Variants in RBM24 observed in about 807,000 individuals in gnomAD.
RBM24 encodes the protein RNA binding motif protein 24, also known as RNA-binding protein 24.
A neutral mutation model predicts 23.6 loss-of-function variants in RBM24; 5 were observed. The observed-to-expected ratio is 0.21, with a 90% CI of 0.11 to 0.45. RBM24 has a LOEUF of 0.45. Among genes scored for constraint, RBM24 ranks in the 20% least tolerant of loss-of-function variants. The probability of loss-of-function intolerance (pLI) is 0.99; values close to 1 mark genes in which losing one functional copy is unlikely to be tolerated. For synonymous variants in RBM24, 151 were observed against 129.5 expected (o/e 1.17, Z -1.13); for missense variants, 252 against 314.6 (o/e 0.80, Z 1.51).
At chr6:17,285,295 CT>C (rs1760159973) in intron 3 of RBM24, 1 of 152,136 alleles carries the variant, frequency 6.6e-6, no homozygotes, top group African/African-American at 2.4e-5. Context: ...GTGCTTTTTA[CT>C]TAATTGAAAA....
intron 3 of RBM24, chr6:17,289,462 T>C: frequency 4.1e-6 from 4 of 985,484 alleles, no homozygotes; most frequent in Non-Finnish European, 4.8e-6. Flanking sequence ...TGTTTGACAT[T>C]GTGAAATCAA....
chr6:17,283,294 T>C (rs1760087975), intron 2 of RBM24, among the ~76,000 whole-genome samples: 1 of 152,200 alleles, frequency 6.6e-6, no homozygotes, highest in South Asian at 2.1e-4. Context: ...TCAGCTAATA[T>C]ACTTCCCTAC....
At chr6:17,283,145 G>A (rs1484288386) in intron 2 of RBM24, 4 of 512,196 alleles carry the variant, frequency 7.8e-6, no homozygotes, top group Non-Finnish European at 1.4e-5. Context: ...TGGATCTTGG[G>A]GGTCGTGCAG....
Position 17,281,425 on chromosome 6 carries a change from G to GCTCGCCCCCGCCGCGCCGCCGCC in RBM24, c.-146_-124dup. 3.1e-6 allele frequency: 1 copy of GCTCGCCCCCGCCGCGCCGCCGCC among 323,732 alleles called. No homozygotes were observed. The highest frequency in any genetic ancestry group is 4.4e-6 in the Non-Finnish European group (1 of 226,318). The allele number at this position is 323,732 out of a possible 1,614,324, so 20.1% of individuals were successfully genotyped here. On this transcript the variant is annotated 5_prime_UTR_variant, in exon 1 of 4. Transcript: ENST00000379052. The surrounding 1 kb of genome is among the most constrained non-coding windows in gnomAD (Gnocchi z 7.1). ...CCGGCGCTCTCGGCCGCCCCCGGCC[G>GCTCGCCCCCGCCGCGCCGCCGCC]CTCGCCCCCGCCGCGCCGCCGCCCT... is the stretch of plus-strand genomic sequence containing the variant.
chr6:17,289,042 G>A lies in RBM24; in HGVS notation c.348-2714G>A, dbSNP rs946850414. 9.1e-6 allele frequency: 9 copies of A among 985,246 alleles called. No homozygotes were observed. In the Admixed American group the frequency reaches 4.9e-4, roughly 54 times the overall value. The allele number at this position is 985,246 out of a possible 1,614,324, so 61.0% of individuals were successfully genotyped here. A position where few individuals can be genotyped will look rare whatever the true frequency, so the allele number is the denominator to read the frequency against. On this transcript the variant is annotated intron_variant, in intron 3 of 3. Transcript: ENST00000379052. ...AGATGTCAGTGGAACCTGAAGAGAT[G>A]GGAAGAAAAGGAAAATGTAGTAAAT... is the stretch of plus-strand genomic sequence containing the variant.
chr6:17,286,526 G>A (rs559900551), intron 3 of RBM24, among the ~76,000 whole-genome samples: 34 of 152,306 alleles, frequency 2.2e-4, no homozygotes, highest in African/African-American at 7.7e-4. Flanking sequence ...TGCAAAATGA[G>A]GGAATTGCAC....
chr6:17,283,320 C>T (rs1760089411), intron 2 of RBM24, among the ~76,000 whole-genome samples: 1 of 152,170 alleles, frequency 6.6e-6, no homozygotes, highest in Non-Finnish European at 1.5e-5. Context: ...GGTGTCTCTC[C>T]TTTTAGCACC....
chr6:17,290,066 C>A, intron 3 of RBM24: 1 of 1,289,350 alleles, frequency 7.8e-7, no homozygotes, highest in Non-Finnish European at 1.0e-6. Context: ...ATCTACAAGT[C>A]TGGTAAAATT....
intron 3 of RBM24, chr6:17,290,103 A>C (rs1180250257): frequency 1.2e-5 from 16 of 1,286,574 alleles, no homozygotes; most frequent in African/African-American, 1.5e-5. Context: ...TTGGGGCCAA[A>C]GTCCACTACC....
chr6:17,284,845 T>C, intron 3 of RBM24, 134 bp downstream of exon 3: 1 of 573,034 alleles, frequency 1.7e-6, no homozygotes, highest in Non-Finnish European at 2.9e-6. Context: ...TATTTGTGCA[T>C]TTTTAATGCT....
rs1203582335 is a variant in RBM24 at position 17,292,758 on chromosome 6, G to A, written c.*639G>A. 1 of 152,610 alleles carries A rather than the reference G, an allele frequency of 6.6e-6. No homozygotes were observed. Among genetic ancestry groups the A allele is most frequent in the Non-Finnish European group, 1.5e-5 (1 of 68,050 alleles). 9.5% of individuals were successfully genotyped at this position (152,610 alleles called of 1,614,324 possible). ...CTGTCCTGTGGATGAGTGGAACTGT[G>A]GAACAAGTGATGTGGAATTAATGGG... On this transcript the variant is annotated 3_prime_UTR_variant, in exon 4 of 4. Coordinates refer to ENST00000379052, the MANE Select transcript of RBM24 (RefSeq NM_001143942.2).
intron 3 of RBM24, 84 bp downstream of exon 3, chr6:17,284,795 A>G (rs1240446062): frequency 2.1e-6 from 2 of 951,246 alleles, no homozygotes; most frequent in African/African-American, 1.6e-5. Flanking sequence ...AGATAAGATC[A>G]TGATGTCACA....
Position 17,281,590 on chromosome 6 carries a change from G to C in RBM24, c.9G>C (p.Thr3=), listed in dbSNP as rs765104539. The C allele has an allele frequency of 2.0e-6, 3 of 1,519,004 alleles. No homozygotes were observed. The South Asian group carries it at 3.7e-5, about 19-fold the overall frequency. 94.1% of individuals were successfully genotyped at this position (1,519,004 alleles called of 1,614,324 possible). The change falls in exon 1 of 4, where the codon ACG becomes ACC. Residue 3 remains threonine (T), a synonymous_variant. Transcript: ENST00000379052. This position sits in a 1 kb window ranked among gnomAD's most constrained non-coding sequence, Gnocchi z 7.1. MH[T]TQKDTTYTKI... is the part of the protein sequence containing the mutation. ...GCGGGGCGGGTGCGAAGATGCACAC[G>C]ACCCAGAAGGACACGACGTACACCA...
chr6:17,281,387 G>T lies in RBM24; in HGVS notation c.-195G>T. The T allele has an allele frequency of 6.3e-6, 1 of 158,746 alleles. No homozygotes were observed. Among genetic ancestry groups the T allele is most frequent in the Non-Finnish European group, 1.3e-5 (1 of 75,340 alleles). 9.8% of individuals were successfully genotyped at this position (158,746 alleles called of 1,614,324 possible). A position where few individuals can be genotyped will look rare whatever the true frequency, so the allele number is the denominator to read the frequency against. On this transcript the variant is annotated 5_prime_UTR_variant, in exon 1 of 4. Coordinates refer to ENST00000379052, the MANE Select transcript of RBM24 (RefSeq NM_001143942.2). This position sits in a 1 kb window ranked among gnomAD's most constrained non-coding sequence, Gnocchi z 7.1. ...AGTCTCCAGGGCCGCTGGCGACTTCGGAAGCCGCGCGCCCGGCGCTCTCGG... is the reference window on the plus strand; with the variant it reads ...AGTCTCCAGGGCCGCTGGCGACTTCTGAAGCCGCGCGCCCGGCGCTCTCGG...
At chr6:17,288,975 T>A (rs1760276322) in intron 3 of RBM24, 1 of 985,320 alleles carries the variant, frequency 1.0e-6, no homozygotes, top group Admixed American at 6.1e-5. Context: ...ATTAGGATAT[T>A]GCTTCAAAAC....
chr6:17,286,973 G>A (rs1760216701), intron 3 of RBM24, among the ~76,000 whole-genome samples: 1 of 152,194 alleles, frequency 6.6e-6, no homozygotes, highest in South Asian at 2.1e-4. Flanking sequence ...AAGCAAGTGT[G>A]TTTTGATAGC....
At chr6:17,283,606 G>A (rs1005166655) in intron 2 of RBM24, among the ~76,000 whole-genome samples, 5 of 152,070 alleles carry the variant, frequency 3.3e-5, no homozygotes, top group African/African-American at 7.2e-5. Flanking sequence ...TAGTAGAGAC[G>A]GGGTTTCACT....
chr6:17,286,581 A>G (rs1404577537), intron 3 of RBM24, among the ~76,000 whole-genome samples: 1 of 152,242 alleles, frequency 6.6e-6, no homozygotes, highest in East Asian at 1.9e-4. Flanking sequence ...GTCAAGAATT[A>G]TTAATTTCTA....
chr6:17,286,309 A>G (rs1009076463), intron 3 of RBM24, among the ~76,000 whole-genome samples: 2 of 151,948 alleles, frequency 1.3e-5, no homozygotes, highest in Non-Finnish European at 2.9e-5. Context: ...ACTGAAAACA[A>G]GTGGTGGGTT....
Sources: gnomAD v4.1 joint callset for allele counts (sites outside exome capture counted in the v4.1 genomes callset) on GRCh38, gnomAD v4.1.1 for gene constraint, Gnocchi (gnomAD v3.1) non-coding constraint, MANE v1.5 for transcripts, NCBI Gene and HGNC (gene_info 2026-07-23, HGNC 2026-07-21) for gene names.